PREX2: variants seen among roughly 807,000 people sequenced by gnomAD.
The protein encoded by PREX2 is phosphatidylinositol 3,4,5-trisphosphate-dependent Rac exchanger 2 protein.
PREX2 carries 107 observed loss-of-function variants against 203.2 expected under a neutral mutation model. The observed-to-expected ratio is 0.53, with a 90% CI of 0.45 to 0.62. PREX2 has a LOEUF of 0.62. Among genes scored for constraint, PREX2 ranks in the 20% least tolerant of loss-of-function variants. The probability of loss-of-function intolerance (pLI) is 0.00; values close to 1 mark genes in which losing one functional copy is unlikely to be tolerated. For missense variants in PREX2, 1,777 were observed against 1,955.9 expected (o/e 0.91, Z 1.72); for synonymous variants, 672 against 663.6 (o/e 1.01, Z -0.19).
In PREX2 at chr8:68,157,398, C is replaced by T. The variant is rs1811562257; in HGVS notation, c.4308C>T (p.Ala1436=). ...AATTTCAAGCTCAGATAAATGCAGC[C>T]TCACTGGAAAAGGTCAAACAGTACA... The part of the protein sequence containing the change: ...VEEFQAQINA[A]SLEKVKQYNQ... Residue 1436 remains alanine, a synonymous_variant, in exon 35 of 40, where the codon GCC becomes GCT. Coordinates refer to ENST00000288368, the MANE Select transcript of PREX2 (RefSeq NM_024870.4). 1 of 1,612,308 alleles carries T rather than the reference C, an allele frequency of 6.2e-7. No homozygotes were observed.
intron 11 of PREX2, 121 bp downstream of exon 11, chr8:68,060,900 A>G: frequency 1.5e-6 from 1 of 664,332 alleles, no homozygotes; most frequent in Non-Finnish European, 2.5e-6. Context: ...TTTTAACAAT[A>G]TTTTCAGTAC....
intron 8 of PREX2, among the ~76,000 whole-genome samples, chr8:68,044,925 A>G (rs1808306454): frequency 6.6e-6 from 1 of 152,130 alleles, no homozygotes; most frequent in African/African-American, 2.4e-5. Flanking sequence ...ATACTGTTTT[A>G]TAAGCATATC....
chr8:68,133,316 T>G (rs1739698899), intron 31 of PREX2, among the ~76,000 whole-genome samples: 1 of 152,122 alleles, frequency 6.6e-6, no homozygotes, highest in African/African-American at 2.4e-5. Context: ...CAATTCAAGA[T>G]GAGATTTGGG....
intron 37 of PREX2, among the ~76,000 whole-genome samples, chr8:68,206,930 A>G (rs899808641): frequency 3.3e-5 from 5 of 152,148 alleles, no homozygotes; most frequent in Non-Finnish European, 7.4e-5. Flanking sequence ...AATATAGTCC[A>G]AGGATTGGGT....
At chr8:68,196,856 C>T (rs1812408354) in intron 37 of PREX2, among the ~76,000 whole-genome samples, 1 of 152,110 alleles carries the variant, frequency 6.6e-6, no homozygotes, top group South Asian at 2.1e-4. Flanking sequence ...ATGCAGCCTA[C>T]AGAACCATGT....
At chr8:68,228,943 T>TCAAA (rs200976299) in intron 39 of PREX2, among the ~76,000 whole-genome samples, 1 of 113,860 alleles carries the variant, frequency 8.8e-6, no homozygotes, top group East Asian at 3.6e-4. Flanking sequence ...CCTTGTCTCT[T>TCAAA]TAAAAAAAAA....
At chr8:68,144,097 A>T (rs1249524061) in intron 33 of PREX2, among the ~76,000 whole-genome samples, 1 of 152,094 alleles carries the variant, frequency 6.6e-6, no homozygotes, top group Non-Finnish European at 1.5e-5. Context: ...CTGTAGTTTT[A>T]TAGTAAGTCT....
chr8:68,092,989 C>A (rs1430330194), intron 20 of PREX2, among the ~76,000 whole-genome samples: 1 of 152,088 alleles, frequency 6.6e-6, no homozygotes, highest in Admixed American at 6.6e-5. Context: ...TTATAACTTA[C>A]TTACGATATA....
Position 68,118,646 on chromosome 8 carries a change from T to C in PREX2, c.3421+2T>C, listed in dbSNP as rs780771579. ...TCCACAGTGATGAAATGGACTCAGG[T>C]GTGTTCGTTGGTGAAGGCCTGTGGG... On this transcript the variant is annotated splice_donor_variant, in intron 27 of 39. Transcript: ENST00000288368. LOFTEE classifies it high-confidence loss of function. The C allele has an allele frequency of 6.2e-7, 1 of 1,609,850 alleles. No individual in the cohort carries two copies. Among genetic ancestry groups the C allele is most frequent in the South Asian group, 1.1e-5 (1 of 90,970 alleles).
chr8:67,999,679 G>A (rs10156262), intron 1 of PREX2, among the ~76,000 whole-genome samples: 5 of 151,832 alleles, frequency 3.3e-5, no homozygotes, highest in Admixed American at 1.3e-4. Context: ...AACTTCAGGC[G>A]CATATTCTTG....
chr8:68,148,874 C>T (rs1375774136), intron 34 of PREX2, among the ~76,000 whole-genome samples: 3 of 152,212 alleles, frequency 2.0e-5, no homozygotes, highest in African/African-American at 7.2e-5. Flanking sequence ...TATAAAACTC[C>T]CATGAGGAAT....
chr8:68,206,162 C>G (rs1421849590), intron 37 of PREX2, among the ~76,000 whole-genome samples: 1 of 152,148 alleles, frequency 6.6e-6, no homozygotes, highest in Admixed American at 6.5e-5. Flanking sequence ...CTGTTGTTTA[C>G]TCGCTGTGCA....
chr8:67,954,867 A>G lies in PREX2; in HGVS notation c.141+2332A>G, dbSNP rs1175664652. 2.6e-5 allele frequency among the ~76,000 whole-genome samples: 4 copies of G among 152,276 alleles called. No homozygotes were observed. The East Asian group carries it at 7.7e-4, about 29-fold the overall frequency. On this transcript the variant is annotated intron_variant, in intron 1 of 39. Transcript: ENST00000288368. ...AATAAGCAAACAAAATGGTATTACTAGCTTTATAAAAAGATCATATGTCCT... is the reference window on the plus strand; with the variant it reads ...AATAAGCAAACAAAATGGTATTACTGGCTTTATAAAAAGATCATATGTCCT...
At chr8:68,205,327 G>C (rs181384725) in intron 37 of PREX2, among the ~76,000 whole-genome samples, 2 of 152,096 alleles carry the variant, frequency 1.3e-5, no homozygotes, top group Admixed American at 1.3e-4. Flanking sequence ...AAGTATTTAT[G>C]TGTTTCATTT....
At chr8:68,010,838 C>T (rs1463678945) in intron 1 of PREX2, among the ~76,000 whole-genome samples, 2 of 152,114 alleles carry the variant, frequency 1.3e-5, no homozygotes, top group Non-Finnish European at 2.9e-5. Flanking sequence ...CATACATTTC[C>T]TAATCTTCGT....
intron 1 of PREX2, among the ~76,000 whole-genome samples, chr8:68,004,534 A>G (rs961017494): frequency 6.6e-6 from 1 of 152,214 alleles, no homozygotes; most frequent in Admixed American, 6.5e-5. Context: ...TGAAAAATCA[A>G]AACTGTTTGT....
intron 35 of PREX2, among the ~76,000 whole-genome samples, chr8:68,186,206 T>C (rs1456684986): frequency 2.0e-5 from 3 of 152,182 alleles, no homozygotes. Flanking sequence ...TAAAAAATAA[T>C]TGAATTAAAA....
At chr8:68,147,000 T>C (rs970234318) in intron 34 of PREX2, among the ~76,000 whole-genome samples, 6 of 152,126 alleles carry the variant, frequency 3.9e-5, no homozygotes, top group Admixed American at 1.3e-4. Flanking sequence ...TATTTTGGGG[T>C]CATAAAATGC....
chr8:68,095,500 AATACATACATAC>A (rs372847646), intron 21 of PREX2, among the ~76,000 whole-genome samples: 5 of 78,016 alleles, frequency 6.4e-5, no homozygotes, highest in East Asian at 4.9e-4. Flanking sequence ...AACGGGGCCA[AATACATACATAC>A]ATACATACAT....
Sources: allele counts gnomAD v4.1 joint callset (sites outside exome capture counted in the v4.1 genomes callset), GRCh38; gene constraint gnomAD v4.1.1; transcripts MANE v1.5; gene names NCBI Gene and HGNC (gene_info 2026-07-23, HGNC 2026-07-21).